Variants in THRB observed in about 807,000 individuals in gnomAD.
THRB encodes the protein thyroid hormone receptor beta, also known as nuclear receptor subfamily 1 group A member 2.
In THRB, 12 loss-of-function variants were observed where a neutral mutation model predicts 47.8. The observed-to-expected ratio is 0.25, with a 90% CI of 0.16 to 0.41. THRB has a LOEUF of 0.41. Ranked by LOEUF, THRB falls within the 10% of genes least tolerant of loss-of-function variation. The probability of loss-of-function intolerance (pLI) is 1.00; values close to 1 mark genes in which losing one functional copy is unlikely to be tolerated. For synonymous variants in THRB, 218 were observed against 212.2 expected, an observed-to-expected ratio of 1.03 and a Z score of -0.24; for missense variants, 348 against 589.2, an observed-to-expected ratio of 0.59 and a Z score of 4.24.
At chr3:24,462,991 C>A (rs569382777) in intron 1 of THRB, among the ~76,000 whole-genome samples, 1 of 152,298 alleles carries the variant, frequency 6.6e-6, no homozygotes, top group South Asian at 2.1e-4. Flanking sequence ...TATAGGGTCA[C>A]ACAACTTGGC....
At chr3:24,353,749 T>C (rs147285004) in intron 1 of THRB, among the ~76,000 whole-genome samples, 298 of 152,262 alleles carry the variant, frequency 2.0e-3, no homozygotes, top group African/African-American at 6.8e-3. Flanking sequence ...TTTGTATTAA[T>C]AAGCCCCTTA....
In THRB at chr3:24,456,966, GC is replaced by G. The variant is rs143688341; in HGVS notation, c.-261+37685del. Among the ~76,000 whole-genome samples the G allele has an allele frequency of 9.7e-4, 148 of 152,106 alleles. 1 individual carries two copies. Among genetic ancestry groups the G allele is most frequent in the African/African-American group, 3.5e-3 (145 of 41,516 alleles). On this transcript the variant is annotated intron_variant, in intron 1 of 10. Transcript: ENST00000646209. ...ACTAGTGTAAATTGTAAGGTTTGGG[GC>G]TTTTTGGTGTCATCAATTGGCAAAC... is the stretch of plus-strand genomic sequence containing the variant.
chr3:24,315,415 A>G (rs2058047737), intron 2 of THRB, among the ~76,000 whole-genome samples: 1 of 152,292 alleles, frequency 6.6e-6, no homozygotes, highest in East Asian at 1.9e-4. Context: ...AGCTATCCCA[A>G]TTATATGTTC....
rs188113215 is a variant in THRB, at chr3:24,431,149, A to G, written c.-261+63503T>C. On this transcript the variant is annotated intron_variant, in intron 1 of 10. Transcript: ENST00000646209. ...AAAGTTTATAAGACTGCCAATGAAA[A>G]TAACATATGTTCATTTAAAAAAATT... is the stretch of plus-strand genomic sequence containing the variant. 14 of 152,118 alleles carry G rather than the reference A, an allele frequency of 9.2e-5. No individual in the cohort carries two copies. The East Asian group carries it at 1.6e-3, about 17-fold the overall frequency. The allele number at this position is 152,118 out of a possible 1,614,324, so 9.4% of individuals were successfully genotyped here.
intron 8 of THRB, among the ~76,000 whole-genome samples, chr3:24,140,513 C>T (rs1179808927): frequency 6.6e-6 from 1 of 152,072 alleles, no homozygotes; most frequent in Non-Finnish European, 1.5e-5. Context: ...ACATGGCTAG[C>T]TTGGGATTCC....
intron 1 of THRB, among the ~76,000 whole-genome samples, chr3:24,408,416 G>A (rs1320622023): frequency 6.6e-6 from 1 of 151,802 alleles, no homozygotes; most frequent in African/African-American, 2.4e-5. Context: ...CCATTCTGCT[G>A]TTGTGATCAC....
intron 3 of THRB, among the ~76,000 whole-genome samples, chr3:24,273,195 T>A (rs1273022101): frequency 6.6e-6 from 1 of 152,152 alleles, no homozygotes; most frequent in Non-Finnish European, 1.5e-5. Context: ...CTGCCAACAA[T>A]AATTTTAGTA....
chr3:24,289,512 C>G (rs2055700662), intron 3 of THRB, among the ~76,000 whole-genome samples: 1 of 152,116 alleles, frequency 6.6e-6, no homozygotes, highest in Non-Finnish European at 1.5e-5. Context: ...ACCCATCTAC[C>G]TATCTATCCC....
intron 3 of THRB, among the ~76,000 whole-genome samples, chr3:24,235,529 G>T (rs1386194516): frequency 6.6e-6 from 1 of 152,116 alleles, no homozygotes; most frequent in East Asian, 1.9e-4. Context: ...TGATGTATCA[G>T]ATGATAAGAT....
intron 4 of THRB, among the ~76,000 whole-genome samples, chr3:24,207,950 T>G (rs972166861): frequency 2.0e-5 from 3 of 152,068 alleles, no homozygotes; most frequent in Admixed American, 6.6e-5. Flanking sequence ...GAAAACCCCA[T>G]CGTCTCAGCC....
intron 3 of THRB, among the ~76,000 whole-genome samples, chr3:24,233,478 TAAGAA>T (rs796943211): frequency 3.2e-4 from 19 of 58,586 alleles, no homozygotes; most frequent in African/African-American, 1.2e-3. Context: ...AAGAAAGAAA[TAAGAA>T]AAGAAAAAAA....
intron 1 of THRB, among the ~76,000 whole-genome samples, chr3:24,346,341 A>G (rs1424559040): frequency 6.6e-6 from 1 of 152,076 alleles, no homozygotes; most frequent in East Asian, 1.9e-4. Flanking sequence ...AAAAGAATAA[A>G]TGACTAACAA....
intron 1 of THRB, among the ~76,000 whole-genome samples, chr3:24,388,077 C>A (rs1430376456): frequency 6.6e-6 from 1 of 152,034 alleles, no homozygotes; most frequent in African/African-American, 2.4e-5. Flanking sequence ...AACTGATTTC[C>A]CAGCTACTGA....
intron 5 of THRB, among the ~76,000 whole-genome samples, chr3:24,188,163 T>A (rs1407127670): frequency 6.6e-6 from 1 of 152,212 alleles, no homozygotes; most frequent in East Asian, 1.9e-4. Flanking sequence ...CTATCTGAAA[T>A]TCTCCTCTTG....
chr3:24,466,504 C>T (rs1442221742), intron 1 of THRB, among the ~76,000 whole-genome samples: 1 of 152,136 alleles, frequency 6.6e-6, no homozygotes, highest in Non-Finnish European at 1.5e-5. Flanking sequence ...GTTCTGCTGG[C>T]TCCGTGTTCA....
intron 7 of THRB, among the ~76,000 whole-genome samples, chr3:24,145,561 G>T (rs1055411220): frequency 6.6e-6 from 1 of 151,438 alleles, no homozygotes; most frequent in Non-Finnish European, 1.5e-5. Flanking sequence ...AGGGCTAAAG[G>T]CCTTTAAGAG....
intron 1 of THRB, among the ~76,000 whole-genome samples, chr3:24,468,062 C>T (rs1174023233): frequency 6.6e-6 from 1 of 152,210 alleles, no homozygotes. Context: ...TCCACATAGG[C>T]ACTGGTGCTT....
intron 7 of THRB, among the ~76,000 whole-genome samples, chr3:24,145,629 A>C (rs576514725): frequency 1.2e-4 from 18 of 152,300 alleles, no homozygotes; most frequent in African/African-American, 4.3e-4. Flanking sequence ...TTTCCAGCCT[A>C]ACACTCTAAC....
intron 1 of THRB, among the ~76,000 whole-genome samples, chr3:24,399,308 G>A (rs969142172): frequency 7.9e-5 from 12 of 151,634 alleles, no homozygotes; most frequent in African/African-American, 2.7e-4. Context: ...TCTACCTGAA[G>A]GGCATAATGG....
Sources: allele counts gnomAD v4.1 joint callset (sites outside exome capture counted in the v4.1 genomes callset), GRCh38; gene constraint gnomAD v4.1.1; transcripts MANE v1.5; gene names NCBI Gene and HGNC (gene_info 2026-07-23, HGNC 2026-07-21).